The following CERS6 variants were observed in gnomAD, a reference collection of about 807,000 sequenced individuals.
CERS6 encodes ceramide synthase 6, also known as LAG1 homolog, ceramide synthase 6.
In CERS6, 26 loss-of-function variants were observed where a neutral mutation model predicts 56.8. The observed-to-expected ratio is 0.46, with a 90% CI of 0.34 to 0.63. The LOEUF is 0.63. Among genes scored for constraint, CERS6 ranks in the 30% least tolerant of loss-of-function variants. The probability of loss-of-function intolerance (pLI) is 0.01; values close to 1 mark genes in which losing one functional copy is unlikely to be tolerated. For synonymous variants in CERS6, 164 were observed against 173.3 expected (o/e 0.95, Z 0.42); for missense variants, 415 against 467.5 (o/e 0.89, Z 1.04).
At chr2:168,758,506 G>A (rs1475556094) in intron 8 of CERS6, among the ~76,000 whole-genome samples, 2 of 152,168 alleles carry the variant, frequency 1.3e-5, no homozygotes, top group South Asian at 2.1e-4. Context: ...GGGGAGGAGC[G>A]GCGGAGGCAA....
chr2:168,737,124 A>G (rs545818594), intron 8 of CERS6, among the ~76,000 whole-genome samples: 2 of 152,174 alleles, frequency 1.3e-5, no homozygotes, highest in Non-Finnish European at 2.9e-5. Context: ...CCAGCCTCTT[A>G]AGAGGCACAA....
chr2:168,706,676 C>T (rs763231160), intron 6 of CERS6, among the ~76,000 whole-genome samples: 4 of 152,108 alleles, frequency 2.6e-5, no homozygotes, highest in Non-Finnish European at 5.9e-5. Flanking sequence ...GGATTACATC[C>T]GGACAGCTAT....
At chr2:168,626,164 G>A (rs1684585773) in intron 3 of CERS6, among the ~76,000 whole-genome samples, 1 of 152,208 alleles carries the variant, frequency 6.6e-6, no homozygotes, top group South Asian at 2.1e-4. Context: ...TAAAGATGTT[G>A]ATAATAATGC....
At position 168,584,316 on chromosome 2, in the gene CERS6, G is replaced by T. The variant is rs186206546; in HGVS notation, c.407+22994G>T. Among the ~76,000 whole-genome samples, 5 of 152,228 alleles carry T rather than the reference G, an allele frequency of 3.3e-5. No homozygotes were observed. The East Asian group carries it at 9.6e-4, about 29-fold the overall frequency. On this transcript the variant is annotated intron_variant, in intron 3 of 9. Transcript: ENST00000305747. The stretch of plus-strand genomic sequence containing the variant: ...CAATTCCCATGTTTTTGCTGTTTGC[G>T]TGATACCCCTCTGTGGAAATTAACA...
At chr2:168,698,869 T>G (rs1001220911) in intron 6 of CERS6, among the ~76,000 whole-genome samples, 9 of 152,188 alleles carry the variant, frequency 5.9e-5, no homozygotes, top group African/African-American at 1.7e-4. Context: ...CGATTGTATA[T>G]TTTTTGCTAG....
intron 3 of CERS6, among the ~76,000 whole-genome samples, chr2:168,566,800 C>CA (rs35044625): frequency 0.096 from 13,888 of 144,050 alleles, 1,378 homozygotes; most frequent in African/African-American, 0.25. Flanking sequence ...CACCTACTTG[C>CA]AAAAAAAAAA....
chr2:168,531,651 G>A (rs1473016280), intron 1 of CERS6, among the ~76,000 whole-genome samples: 4 of 152,100 alleles, frequency 2.6e-5, no homozygotes, highest in South Asian at 4.2e-4. Context: ...GTGAAACCCC[G>A]TCTCTACTAA....
chr2:168,493,979 C>G (rs1453668820), intron 1 of CERS6, among the ~76,000 whole-genome samples: 1 of 152,064 alleles, frequency 6.6e-6, no homozygotes, highest in Non-Finnish European at 1.5e-5. Context: ...AGGATGAATT[C>G]TGCCTCTGTC....
At chr2:168,630,035 C>A (rs1684676779) in intron 3 of CERS6, among the ~76,000 whole-genome samples, 1 of 152,064 alleles carries the variant, frequency 6.6e-6, no homozygotes, top group African/African-American at 2.4e-5. Flanking sequence ...CCAGGATGAT[C>A]TCGATCTCCT....
intron 3 of CERS6, among the ~76,000 whole-genome samples, chr2:168,613,702 A>G (rs1039935193): frequency 1.3e-5 from 2 of 152,146 alleles, no homozygotes; most frequent in Admixed American, 1.3e-4. Flanking sequence ...TCATGATCTC[A>G]TGTTCACCCA....
intron 3 of CERS6, among the ~76,000 whole-genome samples, chr2:168,611,168 A>G (rs1249167121): frequency 6.6e-6 from 1 of 152,210 alleles, no homozygotes; most frequent in African/African-American, 2.4e-5. Context: ...GTCTTATAAA[A>G]CATCAGATTT....
intron 8 of CERS6, among the ~76,000 whole-genome samples, chr2:168,730,342 A>C (rs1683488596): frequency 6.6e-6 from 1 of 152,256 alleles, no homozygotes; most frequent in South Asian, 2.1e-4. Flanking sequence ...ATCACAAAAC[A>C]AGTAGGTCTA....
At chr2:168,680,898 G>C (rs1211086032) in intron 4 of CERS6, among the ~76,000 whole-genome samples, 1 of 152,214 alleles carries the variant, frequency 6.6e-6, no homozygotes, top group African/African-American at 2.4e-5. Flanking sequence ...AGTGGACCAA[G>C]TGCCTTTTCA....
At chr2:168,464,099 T>C (rs1352203968) in intron 1 of CERS6, among the ~76,000 whole-genome samples, 1 of 152,076 alleles carries the variant, frequency 6.6e-6, no homozygotes, top group East Asian at 1.9e-4. Flanking sequence ...ATTGGTGGCC[T>C]TCAGGTTTTT....
At chr2:168,745,342 C>T (rs956862835) in intron 8 of CERS6, among the ~76,000 whole-genome samples, 7 of 151,906 alleles carry the variant, frequency 4.6e-5, no homozygotes, top group Non-Finnish European at 8.8e-5. Flanking sequence ...CCTGGGTTCA[C>T]GCCATTCTCC....
intron 4 of CERS6, among the ~76,000 whole-genome samples, chr2:168,678,310 C>T (rs1476929193): frequency 6.6e-6 from 1 of 152,116 alleles, no homozygotes; most frequent in Admixed American, 6.5e-5. Flanking sequence ...GTCAGGCCTA[C>T]GGGAGCTAGA....
intron 1 of CERS6, among the ~76,000 whole-genome samples, chr2:168,480,860 C>T (rs960525285): frequency 6.6e-6 from 1 of 152,170 alleles, no homozygotes; most frequent in Non-Finnish European, 1.5e-5. Flanking sequence ...TTGGAACCCT[C>T]AGACAAGCCA....
intron 4 of CERS6, among the ~76,000 whole-genome samples, chr2:168,680,403 T>C (rs1375692263): frequency 6.6e-6 from 1 of 152,218 alleles, no homozygotes; most frequent in Admixed American, 6.5e-5. Context: ...GGAAAAATGA[T>C]GATGTTGGAG....
chr2:168,479,413 A>G (rs1301343045), intron 1 of CERS6, among the ~76,000 whole-genome samples: 1 of 152,016 alleles, frequency 6.6e-6, no homozygotes, highest in East Asian at 1.9e-4. Flanking sequence ...TACAGACTTT[A>G]TTTTCTTTTT....
Sources: gnomAD v4.1 joint callset for allele counts (sites outside exome capture counted in the v4.1 genomes callset) on GRCh38, gnomAD v4.1.1 for gene constraint, MANE v1.5 for transcripts, NCBI Gene and HGNC (gene_info 2026-07-23, HGNC 2026-07-21) for gene names.